The following AGTPBP1 variants were observed in gnomAD, a reference collection of about 807,000 sequenced individuals.
AGTPBP1 encodes the protein ATP/GTP binding carboxypeptidase 1.
In AGTPBP1, 70 loss-of-function variants were observed where a neutral mutation model predicts 143.9. That is an observed-to-expected ratio of 0.49 (90% CI 0.40 to 0.59). AGTPBP1 has a LOEUF of 0.59. Ranked by LOEUF, AGTPBP1 falls within the 20% of genes least tolerant of loss-of-function variation. AGTPBP1 has a pLI of 0.00. For missense variants in AGTPBP1, 1,229 were observed against 1,464.5 expected (o/e 0.84, Z 2.62); for synonymous variants, 463 against 500.2 (o/e 0.93, Z 0.99).
chr9:85,576,560 C>A (rs567116838), intron 24 of AGTPBP1, among the ~76,000 whole-genome samples: 2 of 152,270 alleles, frequency 1.3e-5, no homozygotes, highest in African/African-American at 4.8e-5. Context: ...AAAGGTTATA[C>A]ATGTTTCTGA....
chr9:85,607,018 A>G (rs1830032431), intron 17 of AGTPBP1, among the ~76,000 whole-genome samples: 1 of 152,022 alleles, frequency 6.6e-6, no homozygotes, highest in Non-Finnish European at 1.5e-5. Context: ...CAGTAACAAT[A>G]TATTGTATAT....
chr9:85,652,932 C>G (rs139180112), intron 11 of AGTPBP1, among the ~76,000 whole-genome samples: 233 of 152,272 alleles, frequency 1.5e-3, no homozygotes, highest in African/African-American at 5.5e-3. Context: ...TTGCAGAACA[C>G]CCAGCTAGTG....
chr9:85,770,354 A>T, the AGTPBP1 span: 1 of 1,607,608 alleles, frequency 6.2e-7, no homozygotes. Flanking sequence ...TACAAGAATG[A>T]AAGTATCCAG....
At chr9:85,575,272 A>AATATACTACAAT in intron 25 of AGTPBP1, 43 bp downstream of exon 25, 2 of 1,461,732 alleles carry the variant, frequency 1.4e-6, no homozygotes, top group Non-Finnish European at 1.8e-6. Flanking sequence ...GAAGTCTAAT[A>AATATACTACAAT]ATATACTACA....
At position 85,619,081 on chromosome 9, in the gene AGTPBP1, T is replaced by A; in HGVS notation, c.2237A>T (p.His746Leu). 1 of 1,613,760 alleles carries A rather than the reference T, an allele frequency of 6.2e-7. No individual in the cohort carries two copies. The highest frequency in any genetic ancestry group is 8.5e-7 in the Non-Finnish European group (1 of 1,179,788). The change falls in exon 17 of 26, where the codon CAT becomes CTT. Residue 746 changes from histidine to leucine, a missense_variant. Around this residue, in one of 2 missense-constraint regions of AGTPBP1, gnomAD observed 486 missense variants for 652.3 expected, o/e 0.75. Transcript: ENST00000357081. ...LNSDINSNHYHQWFYFEVSGM... is the reference protein window; with the variant it reads ...LNSDINSNHYLQWFYFEVSGM... ...ACTGACTTCAAAGTAAAACCACTGATGATAATGATTGCTGTTTATGTCTGA... is the reference window on the plus strand; with the variant it reads ...ACTGACTTCAAAGTAAAACCACTGAAGATAATGATTGCTGTTTATGTCTGA...
chr9:85,789,414 A>G, the AGTPBP1 span, among the ~76,000 whole-genome samples: 13 of 152,216 alleles, frequency 8.5e-5, no homozygotes, highest in Non-Finnish European at 1.9e-4. Flanking sequence ...CATGTATATA[A>G]AATGTTTGTG....
At chr9:85,589,762 A>C in intron 19 of AGTPBP1, 81 bp from the exon 20 acceptor site, 1 of 1,306,346 alleles carries the variant, frequency 7.7e-7, no homozygotes, top group East Asian at 2.5e-5. Context: ...CCAGATCTCC[A>C]CATAACTAGA....
intron 25 of AGTPBP1, among the ~76,000 whole-genome samples, chr9:85,556,815 T>C (rs1032555854): frequency 3.9e-5 from 6 of 151,980 alleles, no homozygotes; most frequent in Non-Finnish European, 5.9e-5. Context: ...AAAGCAAAAA[T>C]TGACAGAACT....
chr9:85,688,598 G>A (rs1835645095), intron 3 of AGTPBP1, among the ~76,000 whole-genome samples: 1 of 152,130 alleles, frequency 6.6e-6, no homozygotes. Context: ...AGGATTATAA[G>A]GAAAGATTAG....
At chr9:85,616,907 A>G (rs915884422) in intron 17 of AGTPBP1, among the ~76,000 whole-genome samples, 4 of 152,086 alleles carry the variant, frequency 2.6e-5, no homozygotes, top group African/African-American at 9.6e-5. Context: ...TACTTGCTGA[A>G]CTTTTAGTCA....
intron 2 of AGTPBP1, among the ~76,000 whole-genome samples, chr9:85,706,434 C>T (rs754830268): frequency 1.3e-5 from 2 of 149,498 alleles, no homozygotes; most frequent in Non-Finnish European, 3.0e-5. Context: ...TGCTTGAACC[C>T]GGGAAGCGGA....
intron 7 of AGTPBP1, among the ~76,000 whole-genome samples, chr9:85,671,574 C>T (rs1473985912): frequency 1.3e-5 from 2 of 152,016 alleles, no homozygotes; most frequent in East Asian, 1.9e-4. Flanking sequence ...GCAATATACA[C>T]ACATATCTAG....
At chr9:85,644,626 A>G (rs1832703265) in intron 12 of AGTPBP1, among the ~76,000 whole-genome samples, 1 of 152,166 alleles carries the variant, frequency 6.6e-6, no homozygotes, top group Non-Finnish European at 1.5e-5. Context: ...TAGTTAAGGA[A>G]GGAACAAAGA....
the AGTPBP1 span, among the ~76,000 whole-genome samples, chr9:85,799,038 G>A: frequency 2.4e-4 from 36 of 152,062 alleles, no homozygotes; most frequent in Non-Finnish European, 1.9e-4. Context: ...GTGTCCAAAT[G>A]TTCTCATTGT....
Position 85,589,513 on chromosome 9 carries a change from G to A in AGTPBP1, c.2722+15C>T, listed in dbSNP as rs773016216. 3 of 1,593,836 alleles carry A rather than the reference G, an allele frequency of 1.9e-6. No homozygotes were observed. The Admixed American group carries it at 5.4e-5, about 29-fold the overall frequency. On this transcript the variant is annotated intron_variant, in intron 20 of 25. Transcript: ENST00000357081. The stretch of plus-strand genomic sequence containing the variant: ...TGAGAATGACTGCTATTGTGAGTTG[G>A]GAAGACAAACTTACTGAAATGGCAG...
At chr9:85,618,715 C>T (rs1012316359) in intron 17 of AGTPBP1, among the ~76,000 whole-genome samples, 4 of 151,962 alleles carry the variant, frequency 2.6e-5, no homozygotes, top group Non-Finnish European at 5.9e-5. Context: ...ATGTCGCCAT[C>T]GGAGTATACA....
At chr9:85,588,260 T>C (rs759784274) in intron 21 of AGTPBP1, 38 bp downstream of exon 21, 1 of 1,509,166 alleles carries the variant, frequency 6.6e-7, no homozygotes, top group African/African-American at 1.4e-5. Flanking sequence ...ACAACCACAA[T>C]GGTCTTGAAT....
chr9:85,743,946 A>G (rs1824552140), upstream of AGTPBP1, among the ~76,000 whole-genome samples: 1 of 143,990 alleles, frequency 6.9e-6, no homozygotes, highest in Non-Finnish European at 1.5e-5. Context: ...TTTTTTTGAG[A>G]CAAGACTCTC....
intron 25 of AGTPBP1, among the ~76,000 whole-genome samples, chr9:85,573,935 C>A (rs1426657726): frequency 6.6e-6 from 1 of 151,994 alleles, no homozygotes; most frequent in Non-Finnish European, 1.5e-5. Context: ...AAGTGAGGAG[C>A]CCCTCTGCCC....
Sources: gnomAD v4.1 joint callset for allele counts (sites outside exome capture counted in the v4.1 genomes callset) on GRCh38, gnomAD v4.1.1 for gene constraint, gnomAD v4.1.1 regional missense constraint, MANE v1.5 for transcripts, NCBI Gene and HGNC (gene_info 2026-07-23, HGNC 2026-07-21) for gene names.